SLC25A24: variants seen among roughly 807,000 people sequenced by gnomAD.
The protein encoded by SLC25A24 is mitochondrial adenyl nucleotide antiporter SLC25A24.
In SLC25A24, 49 loss-of-function variants were observed where a neutral mutation model predicts 60.7. The ratio of observed to expected loss-of-function variants is 0.81; its 90% CI spans 0.64 to 1.02. SLC25A24 has a LOEUF of 1.02. Among genes scored for constraint, SLC25A24 ranks in the 50% least tolerant of loss-of-function variants. The pLI is 0.00. For synonymous variants in SLC25A24, 202 were observed against 200.6 expected, an observed-to-expected ratio of 1.01 and a Z score of -0.06; for missense variants, 564 against 586.3, an observed-to-expected ratio of 0.96 and a Z score of 0.39.
chr1:108,183,007 T>C (rs1647983471), intron 2 of SLC25A24, among the ~76,000 whole-genome samples: 1 of 152,046 alleles, frequency 6.6e-6, no homozygotes, highest in African/African-American at 2.4e-5. Context: ...AAGCAATAAA[T>C]GTAAGCACTG....
At chr1:108,190,576 T>C (rs1312499632) in intron 1 of SLC25A24, among the ~76,000 whole-genome samples, 4 of 152,188 alleles carry the variant, frequency 2.6e-5, no homozygotes, top group African/African-American at 9.7e-5. Flanking sequence ...TCTTCGTATA[T>C]TTAGTTTCTC....
chr1:108,171,315 T>TCCC lies in SLC25A24; in HGVS notation c.399-10025_399-10023dup, dbSNP rs1647452768. ...TTTTAGAACAGTTTAATACAAATCATCCCCTTCCCTCCTAACTTACATACT... is the reference window on the plus strand; with the variant it reads ...TTTTAGAACAGTTTAATACAAATCATCCCCCCCTTCCCTCCTAACTTACATACT... On this transcript the variant is annotated intron_variant, in intron 3 of 9. Coordinates refer to ENST00000565488, the MANE Select transcript of SLC25A24 (RefSeq NM_013386.5). 2.0e-5 allele frequency among the ~76,000 whole-genome samples: 3 copies of TCCC among 152,288 alleles called. No individual in the cohort carries two copies. In the South Asian group the frequency reaches 6.2e-4, roughly 32 times the overall value.
chr1:108,147,298 CCT>C (rs989010095), intron 7 of SLC25A24, among the ~76,000 whole-genome samples: 110 of 152,104 alleles, frequency 7.2e-4, no homozygotes, highest in African/African-American at 2.1e-3. Flanking sequence ...ATTTGATTCT[CCT>C]CTGTTTTCTT....
In SLC25A24 at chr1:108,192,225, T is replaced by C. The variant is rs945338617; in HGVS notation, c.184-6271A>G. ...AGGTGAGCACATTGAACAAGGTGAC[T>C]CCTAAGACAAGGCTGTATGTAGCCA... On this transcript the variant is annotated intron_variant, in intron 1 of 9. Coordinates refer to ENST00000565488, the MANE Select transcript of SLC25A24 (RefSeq NM_013386.5). 2.2e-5 allele frequency among the ~76,000 whole-genome samples: 3 copies of C among 139,116 alleles called. 1 individual carries two copies. Among genetic ancestry groups the C allele is most frequent in the Non-Finnish European group, 4.7e-5 (3 of 63,616 alleles). 91.3% of individuals were successfully genotyped at this position (139,116 alleles called of 152,430 possible).
intron 3 of SLC25A24, among the ~76,000 whole-genome samples, chr1:108,179,580 T>TA (rs1378389277): frequency 1.3e-5 from 2 of 152,022 alleles, no homozygotes; most frequent in Non-Finnish European, 2.9e-5. Flanking sequence ...ATTCGGCCAT[T>TA]AAAAAAAGAA....
chr1:108,141,160 T>C lies in SLC25A24; in HGVS notation c.1099-1952A>G, dbSNP rs370367793. Reference sequence around the variant, plus strand: ...GTGGCCATAATTACATCAGACAAAATAGACTTTAAGACACAAACTGTCACA... The same window carrying C: ...GTGGCCATAATTACATCAGACAAAACAGACTTTAAGACACAAACTGTCACA... On this transcript the variant is annotated intron_variant, in intron 8 of 9. Coordinates refer to ENST00000565488, the MANE Select transcript of SLC25A24 (RefSeq NM_013386.5). 2.0e-5 allele frequency among the ~76,000 whole-genome samples: 3 copies of C among 152,006 alleles called. No individual in the cohort carries two copies. The East Asian group carries it at 5.8e-4, about 29-fold the overall frequency.
At chr1:108,196,860 G>A (rs925940075) in intron 1 of SLC25A24, among the ~76,000 whole-genome samples, 1 of 152,120 alleles carries the variant, frequency 6.6e-6, no homozygotes, top group Non-Finnish European at 1.5e-5. Flanking sequence ...AAGGAGGTGC[G>A]TAAAGAGAAA....
At chr1:108,144,363 A>T (rs998074051) in intron 7 of SLC25A24, among the ~76,000 whole-genome samples, 1 of 152,146 alleles carries the variant, frequency 6.6e-6, no homozygotes, top group African/African-American at 2.4e-5. Flanking sequence ...ATAGTAAAAT[A>T]TCTGTCGTTG....
At chr1:108,173,504 C>T (rs566005196) in intron 3 of SLC25A24, among the ~76,000 whole-genome samples, 48 of 152,302 alleles carry the variant, frequency 3.2e-4, no homozygotes, top group Admixed American at 3.3e-4. Flanking sequence ...TTATAAAATA[C>T]CCATTCTCAG....
chr1:108,192,691 G>C lies in SLC25A24; in HGVS notation c.184-6737C>G. On this transcript the variant is annotated intron_variant, in intron 1 of 9. Coordinates refer to ENST00000565488, the MANE Select transcript of SLC25A24 (RefSeq NM_013386.5). ...CGGGGTGGAAGTGCGACCGACGAAC[G>C]GGATCTCTGCCCACCACACACGTCC... The C allele has an allele frequency of 8.3e-6, 12 of 1,453,876 alleles. 2 individuals are homozygous for C. Among genetic ancestry groups the C allele is most frequent in the Non-Finnish European group, 1.1e-5 (12 of 1,092,322 alleles). 90.1% of individuals were successfully genotyped at this position (1,453,876 alleles called of 1,614,324 possible).
At chr1:108,152,519 A>C (rs548413729) in intron 6 of SLC25A24, among the ~76,000 whole-genome samples, 17 of 152,130 alleles carry the variant, frequency 1.1e-4, no homozygotes, top group African/African-American at 4.1e-4. Context: ...CCCACGCCCA[A>C]CTAATTTTTA....
intron 1 of SLC25A24, 115 bp downstream of exon 1, chr1:108,199,841 A>G (rs1648604138): frequency 2.5e-6 from 2 of 795,632 alleles, no homozygotes; most frequent in East Asian, 5.5e-5. Context: ...TGGGCGCCAC[A>G]GTTCCTCCTT....
chr1:108,183,524 A>T (rs1648011979), intron 2 of SLC25A24, among the ~76,000 whole-genome samples: 1 of 152,224 alleles, frequency 6.6e-6, no homozygotes, highest in Non-Finnish European at 1.5e-5. Flanking sequence ...TCATCAACTG[A>T]TTAATACATA....
chr1:108,167,103 G>A (rs1468489529), intron 3 of SLC25A24, among the ~76,000 whole-genome samples: 3 of 151,920 alleles, frequency 2.0e-5, no homozygotes, highest in Admixed American at 6.6e-5. Context: ...TAGGCTGCTC[G>A]GGCGTCAGGG....
chr1:108,139,308 C>T (rs908829662), intron 8 of SLC25A24, 100 bp from the exon 9 acceptor site: 76 of 1,234,112 alleles, frequency 6.2e-5, no homozygotes, highest in Middle Eastern at 2.8e-4. Context: ...CCCGTTTCTG[C>T]AGGATGAGGC....
chr1:108,170,058 C>T (rs1482673809), intron 3 of SLC25A24, among the ~76,000 whole-genome samples: 1 of 151,992 alleles, frequency 6.6e-6, no homozygotes, highest in Non-Finnish European at 1.5e-5. Flanking sequence ...CGAGATTATT[C>T]CATTTTCTCT....
intron 3 of SLC25A24, among the ~76,000 whole-genome samples, chr1:108,168,283 TTATAA>T (rs1052938235): frequency 7.0e-4 from 106 of 152,304 alleles, no homozygotes; most frequent in African/African-American, 2.3e-3. Flanking sequence ...CTACTTACAT[TTATAA>T]TATAACTCTG....
intron 1 of SLC25A24, among the ~76,000 whole-genome samples, chr1:108,197,805 T>C (rs910394678): frequency 6.6e-6 from 1 of 152,184 alleles, no homozygotes; most frequent in Non-Finnish European, 1.5e-5. Flanking sequence ...TACGTTTTGT[T>C]TGTCCCCACA....
intron 3 of SLC25A24, among the ~76,000 whole-genome samples, chr1:108,181,412 A>T (rs1202804193): frequency 1.3e-5 from 2 of 152,208 alleles, no homozygotes; most frequent in Non-Finnish European, 2.9e-5. Context: ...GAAACAAAAC[A>T]TTAAGAGTAT....
Sources: gnomAD v4.1 joint callset for allele counts (sites outside exome capture counted in the v4.1 genomes callset) on GRCh38, gnomAD v4.1.1 for gene constraint, MANE v1.5 for transcripts, NCBI Gene and HGNC (gene_info 2026-07-23, HGNC 2026-07-21) for gene names.